Variants in TIAM1 observed in about 807,000 individuals in gnomAD.
TIAM1 encodes the protein TIAM Rac1 associated GEF 1.
A neutral mutation model predicts 163.5 loss-of-function variants in TIAM1; 65 were observed. That is an observed-to-expected ratio of 0.40 (90% CI 0.33 to 0.49). The LOEUF is 0.49. Among genes scored for constraint, TIAM1 ranks in the 20% least tolerant of loss-of-function variants. The probability of loss-of-function intolerance (pLI) is 0.77; values close to 1 mark genes in which losing one functional copy is unlikely to be tolerated. For synonymous variants in TIAM1, 833 were observed against 810.1 expected (o/e 1.03, Z -0.48); for missense variants, 1,789 against 2,044.7 (o/e 0.87, Z 2.41).
chr21:31,332,727 C>T (rs1480589745), intron 2 of TIAM1, among the ~76,000 whole-genome samples: 6 of 151,026 alleles, frequency 4.0e-5, no homozygotes, highest in African/African-American at 4.9e-5. Flanking sequence ...AGGGAACTCG[C>T]GATAAAACAC....
At chr21:31,536,673 G>A (rs1475888429) in intron 1 of TIAM1, among the ~76,000 whole-genome samples, 1 of 152,230 alleles carries the variant, frequency 6.6e-6, no homozygotes. Context: ...GGGCTGGGGT[G>A]AGCAAGGAGT....
At chr21:31,487,146 G>A (rs1352600420) in intron 1 of TIAM1, among the ~76,000 whole-genome samples, 1 of 152,106 alleles carries the variant, frequency 6.6e-6, no homozygotes, top group African/African-American at 2.4e-5. Context: ...CCAGTCCAGG[G>A]GTTTAAAACT....
Position 31,202,899 on chromosome 21 carries a change from TAAC to T in TIAM1, c.2493+6_2493+8del, listed in dbSNP as rs759739449. The T allele has an allele frequency of 1.2e-6, 2 of 1,611,000 alleles. No homozygotes were observed. The highest frequency in any genetic ancestry group is 1.1e-5 in the South Asian group (1 of 90,984). Reference sequence around the variant, plus strand: ...ATAAAGTGTGCTTGGACAACAGTCATAACATTACCAGCTCATAGATGTCTTCCT... The same window carrying T: ...ATAAAGTGTGCTTGGACAACAGTCATATTACCAGCTCATAGATGTCTTCCT... On this transcript the variant is annotated splice_donor_region_variant and intron_variant, in intron 12 of 27. Coordinates refer to ENST00000541036, the MANE Select transcript of TIAM1 (RefSeq NM_001353694.2).
intron 2 of TIAM1, among the ~76,000 whole-genome samples, chr21:31,440,498 A>G (rs982708354): frequency 2.0e-5 from 3 of 152,372 alleles, no homozygotes; most frequent in South Asian, 2.1e-4. Flanking sequence ...CAAATGACCA[A>G]GTTAATACAG....
intron 2 of TIAM1, among the ~76,000 whole-genome samples, chr21:31,402,486 C>T (rs2077181925): frequency 6.6e-6 from 1 of 152,128 alleles, no homozygotes; most frequent in Non-Finnish European, 1.5e-5. Flanking sequence ...CCTGATTTTC[C>T]TGCTTTACAA....
At chr21:31,434,812 G>A (rs985443527) in intron 2 of TIAM1, among the ~76,000 whole-genome samples, 10 of 152,218 alleles carry the variant, frequency 6.6e-5, no homozygotes, top group Admixed American at 5.9e-4. Flanking sequence ...TGAGCTCTGT[G>A]TTAACAGCTT....
At chr21:31,194,122 T>G (rs2085719601) in intron 13 of TIAM1, among the ~76,000 whole-genome samples, 1 of 144,698 alleles carries the variant, frequency 6.9e-6, no homozygotes, top group African/African-American at 2.7e-5. Flanking sequence ...GAGAGAGCTA[T>G]TCTCCTTTCT....
intron 1 of TIAM1, among the ~76,000 whole-genome samples, chr21:31,472,290 G>A (rs1447619913): frequency 1.3e-5 from 2 of 152,266 alleles, no homozygotes; most frequent in Middle Eastern, 6.8e-3. Flanking sequence ...ACTTTGGGAG[G>A]CTGAGGCGGG....
intron 2 of TIAM1, among the ~76,000 whole-genome samples, chr21:31,300,306 T>A (rs975147276): frequency 2.6e-5 from 4 of 152,184 alleles, no homozygotes; most frequent in African/African-American, 9.6e-5. Flanking sequence ...TAAACCTCTT[T>A]TCTTTATAAA....
intron 2 of TIAM1, among the ~76,000 whole-genome samples, chr21:31,320,337 T>C (rs2075271409): frequency 6.6e-6 from 1 of 152,170 alleles, no homozygotes; most frequent in South Asian, 2.1e-4. Context: ...GCTTGCTGGG[T>C]ACATATTCTG....
At chr21:31,184,841 G>A (rs1311068437) in intron 14 of TIAM1, among the ~76,000 whole-genome samples, 1 of 152,172 alleles carries the variant, frequency 6.6e-6, no homozygotes, top group Non-Finnish European at 1.5e-5. Context: ...ACAGTCAGCA[G>A]CAGATAAATT....
At chr21:31,482,544 G>A (rs2046147590) in intron 1 of TIAM1, among the ~76,000 whole-genome samples, 1 of 152,200 alleles carries the variant, frequency 6.6e-6, no homozygotes, top group Non-Finnish European at 1.5e-5. Flanking sequence ...AGGGAATCAA[G>A]AAAGGGCTTA....
rs187801566 is a variant in TIAM1 at position 31,368,770 on chromosome 21, G to A, written c.-368-29348C>T. Among the ~76,000 whole-genome samples the A allele has an allele frequency of 1.4e-3, 220 of 152,180 alleles. 1 individual carries two copies. Among genetic ancestry groups the A allele is most frequent in the Admixed American group, 5.3e-3 (81 of 15,282 alleles). On this transcript the variant is annotated intron_variant, in intron 2 of 28. Coordinates refer to the TIAM1 transcript ENST00000286827. ...ATAGAGTAGCAGCAGGGGGAAATAT[G>A]GCAAAACTGGTAAAATACAAGCGTC... is the stretch of plus-strand genomic sequence containing the variant.
chr21:31,254,170 G>A (rs1364170373), intron 4 of TIAM1, among the ~76,000 whole-genome samples: 2 of 152,176 alleles, frequency 1.3e-5, no homozygotes, highest in African/African-American at 2.4e-5. Context: ...GAGAGACTTT[G>A]GTACAAAGGA....
At chr21:31,402,842 C>T (rs761115471) in intron 2 of TIAM1, among the ~76,000 whole-genome samples, 1 of 152,090 alleles carries the variant, frequency 6.6e-6, no homozygotes. Flanking sequence ...GTCCCAGCTA[C>T]TCGGAAGGCT....
rs1556009397 is a variant in TIAM1, at chr21:31,506,261, T to TACACACACGTACACACAC, written c.-421-42227_-421-42226insGTGTGTGTACGTGTGTGT. On this transcript the variant is annotated intron_variant, in intron 1 of 28. Coordinates refer to the TIAM1 transcript ENST00000286827. ...CTAAACTCACGCACTCTCACACACG[T>TACACACACGTACACACAC]ACACACACACACACACACACATATG... 2.9e-3 allele frequency among the ~76,000 whole-genome samples: 431 copies of TACACACACGTACACACAC among 148,610 alleles called. 3 individuals carry two copies. The highest frequency in any genetic ancestry group is 8.9e-3 in the African/African-American group (359 of 40,286).
At chr21:31,165,228 A>G (rs1369816453) in intron 15 of TIAM1, among the ~76,000 whole-genome samples, 163 bp from the exon 16 acceptor site, 4 of 152,226 alleles carry the variant, frequency 2.6e-5, no homozygotes, top group African/African-American at 9.6e-5. Flanking sequence ...AATTAAAATG[A>G]TAGTTGTTAC....
At chr21:31,417,324 CTGAG>C (rs1312508710) in intron 2 of TIAM1, among the ~76,000 whole-genome samples, 4 of 152,174 alleles carry the variant, frequency 2.6e-5, no homozygotes, top group Non-Finnish European at 5.9e-5. Flanking sequence ...GCCTGGCCAA[CTGAG>C]TAATTTATAA....
intron 1 of TIAM1, among the ~76,000 whole-genome samples, chr21:31,510,071 A>C (rs1185644492): frequency 6.6e-6 from 1 of 152,222 alleles, no homozygotes; most frequent in African/African-American, 2.4e-5. Context: ...AGATATGCTG[A>C]AGTCCTAACC....
Sources: gnomAD v4.1 joint callset for allele counts (sites outside exome capture counted in the v4.1 genomes callset) on GRCh38, gnomAD v4.1.1 for gene constraint, MANE v1.5 for transcripts, NCBI Gene and HGNC (gene_info 2026-07-23, HGNC 2026-07-21) for gene names.